Variants in MUC3A observed in about 807,000 individuals in gnomAD.
MUC3A encodes the protein mucin 3A, cell surface associated.
MUC3A carries 109 observed loss-of-function variants against 109.0 expected under a neutral mutation model. The ratio of observed to expected loss-of-function variants is 1.00; its 90% CI spans 0.86 to 1.17. The LOEUF is 1.17. Among genes scored for constraint, MUC3A ranks in the 50% most tolerant of loss-of-function variants. The probability of loss-of-function intolerance (pLI) is 0.00; values close to 1 mark genes in which losing one functional copy is unlikely to be tolerated. For missense variants in MUC3A, 3,537 were observed against 2,469.4 expected, an observed-to-expected ratio of 1.43 and a Z score of -9.16; for synonymous variants, 1,398 against 981.4, an observed-to-expected ratio of 1.42 and a Z score of -7.93.
chr7:100,965,223 C>T (rs960761989), intron 6 of MUC3A, 59 bp from the exon 7 acceptor site: 2 of 1,564,854 alleles, frequency 1.3e-6, no homozygotes, highest in Non-Finnish European at 1.7e-6. Flanking sequence ...GGCGCTAACC[C>T]CTTGACCTTA....
chr7:100,964,557 AGG>A, intron 5 of MUC3A, 136 bp from the exon 6 acceptor site: 4 of 1,359,598 alleles, frequency 2.9e-6, no homozygotes, highest in Admixed American at 2.5e-5. Context: ...CCTTCTGAAA[AGG>A]ATGCACGTGG....
At position 100,952,032 on chromosome 7, in the gene MUC3A, A is replaced by G. The variant is rs768910644; in HGVS notation, c.253A>G (p.Thr85Ala). ...PMTLTTSPHD[T>A]LISETLLNSP... ...GACACTCACTACCTCCCCCCATGAC[A>G]CACTCATCTCTGAAACATTGCTCAA... Residue 85 changes from threonine (T) to alanine (A), a missense_variant, in exon 2 of 12, where the codon ACA (threonine) becomes GCA (alanine). Coordinates refer to ENST00000379458, the MANE Select transcript of MUC3A (RefSeq NM_005960.2). The G allele has an allele frequency of 1.9e-6, 3 of 1,598,672 alleles. No homozygotes were observed. The highest frequency in any genetic ancestry group is 2.5e-6 in the Non-Finnish European group (3 of 1,179,810).
Position 100,960,231 on chromosome 7 carries a change from T to C in MUC3A, c.8452T>C (p.Ser2818Pro), listed in dbSNP as rs759340100. 6.3e-7 allele frequency: 1 copy of C among 1,598,266 alleles called. No individual in the cohort carries two copies. Residue 2818 changes from serine to proline, a missense_variant, in exon 2 of 12, where the codon TCC becomes CCC. By Grantham distance (74) the Ser-to-Pro change is moderately conservative. Transcript: ENST00000379458. ...FTTEMVTCPT[S>P]ISIQTTLTTY... ...TACCGAAATGGTCACCTGTCCTACC[T>C]CCATCAGTATCCAAACTACTCTTAC... is the stretch of plus-strand genomic sequence containing the variant.
rs1373323422 is a variant in MUC3A, at chr7:100,959,499, C to T, written c.7720C>T (p.Pro2574Ser). 5 of 1,586,202 alleles carry T rather than the reference C, an allele frequency of 3.2e-6. No individual in the cohort carries two copies. The highest frequency in any genetic ancestry group is 1.3e-5 in the African/African-American group (1 of 74,488). Residue 2574 changes from proline (P) to serine (S), a missense_variant, in exon 2 of 12, where the codon CCT becomes TCT. Physicochemically the swap from Pro to Ser is moderately conservative, Grantham distance 74. Transcript: ENST00000379458. ...CTTTAGCACAAGTATTGTTGTTATA[C>T]CTGAAACCCCAACACAGACCCCTCC... is the stretch of plus-strand genomic sequence containing the variant. The part of the protein sequence containing the change: ...SSFSTSIVVI[P>S]ETPTQTPPVL...
chr7:100,958,578 T>A lies in MUC3A; in HGVS notation c.6799T>A (p.Ser2267Thr). 7.0e-7 allele frequency: 1 copy of A among 1,421,990 alleles called. No homozygotes were observed. The highest frequency in any genetic ancestry group is 9.8e-7 in the Non-Finnish European group (1 of 1,022,412). 88.1% of individuals were successfully genotyped at this position (1,421,990 alleles called of 1,614,324 possible). Residue 2267 changes from serine to threonine, a missense_variant, in exon 2 of 12, where the codon TCA becomes ACA. Ser to Thr is a moderately conservative substitution (Grantham distance 58). Transcript: ENST00000379458. ...TSSITTTETT[S>T]HDTPSFTSSI... ...TTCGATCACCACCACTGAGACCACC[T>A]CACATGATACTCCCAGCTTCACTTC...
rs74203458 is a variant in MUC3A at position 100,966,269 on chromosome 7, A to ACCCCCCAGCTTGCCCTAGGGTCGAAC, written c.9612-111_9612-110insAGCTTGCCCTAGGGTCGAACCCCCCC. 4.7e-5 allele frequency: 47 copies of ACCCCCCAGCTTGCCCTAGGGTCGAAC among 994,706 alleles called. No individual in the cohort carries two copies. The African/African-American group carries it at 6.9e-4, about 15-fold the overall frequency. 61.6% of individuals were successfully genotyped at this position (994,706 alleles called of 1,614,324 possible). A position where few individuals can be genotyped will look rare whatever the true frequency, so the allele number is the denominator to read the frequency against. On this transcript the variant is annotated intron_variant, in intron 8 of 11. Coordinates refer to ENST00000379458, the MANE Select transcript of MUC3A (RefSeq NM_005960.2). ...TTCCCAGCCCCTTGTCTAGGGTGGA[A>ACCCCCCAGCTTGCCCTAGGGTCGAAC]CCCCCCGCTGCCCTAGGCTGGAGCC...
At chr7:100,963,320 C>T (rs1418428900) in intron 4 of MUC3A, 54 bp downstream of exon 4, 459 of 1,224,702 alleles carry the variant, frequency 3.7e-4, no homozygotes, top group Non-Finnish European at 4.7e-4. Flanking sequence ...TAGTCTCGCA[C>T]TCTCACCCTG....
chr7:100,960,049 C>A lies in MUC3A; in HGVS notation c.8270C>A (p.Pro2757His). 1 of 1,510,224 alleles carries A rather than the reference C, an allele frequency of 6.6e-7. No individual in the cohort carries two copies. Among genetic ancestry groups the A allele is most frequent in the Non-Finnish European group, 8.8e-7 (1 of 1,140,416 alleles). 93.6% of individuals were successfully genotyped at this position (1,510,224 alleles called of 1,614,324 possible). Residue 2757 changes from proline (P) to histidine (H), a missense_variant, in exon 2 of 12, where the codon CCC becomes CAC. By Grantham distance (77) the Pro-to-His change is moderately conservative (BLOSUM62 -2). Transcript: ENST00000379458. ...ACCACAGCTCTCACTGAAATAACCC[C>A]CTTTTCTTATATTTCCCTTCCCTCC... Reference protein sequence around the residue: ...SLTTALTEITPFSYISLPSTT... With the variant: ...SLTTALTEITHFSYISLPSTT...
chr7:100,961,964 A>ATG (rs1584808685), intron 3 of MUC3A, among the ~76,000 whole-genome samples: 3 of 121,452 alleles, frequency 2.5e-5, no homozygotes, highest in East Asian at 2.4e-4. Context: ...TTAAAAACTT[A>ATG]CCTCACGCCT....
chr7:100,965,106 A>G, intron 6 of MUC3A, 176 bp from the exon 7 acceptor site: 5 of 1,083,096 alleles, frequency 4.6e-6, no homozygotes, highest in Middle Eastern at 2.1e-4. Context: ...TTCAGGGGAG[A>G]TGAGGCAGGC....
Position 100,967,308 on chromosome 7 carries a change from C to A in MUC3A, c.*146C>A. On this transcript the variant is annotated 3_prime_UTR_variant, in exon 12 of 12. Coordinates refer to ENST00000379458, the MANE Select transcript of MUC3A (RefSeq NM_005960.2). ...AAGATGAGACTGTTCCCCCAAATCC[C>A]ATCCTTCTCCTTCCAACTTGGCTGA... 7.6e-7 allele frequency: 1 copy of A among 1,317,456 alleles called. No individual in the cohort carries two copies. The highest frequency in any genetic ancestry group is 1.4e-5 in the South Asian group (1 of 73,564). The allele number at this position is 1,317,456 out of a possible 1,614,324, so 81.6% of individuals were successfully genotyped here.
At position 100,957,924 on chromosome 7, in the gene MUC3A, A is replaced by G; in HGVS notation, c.6145A>G (p.Thr2049Ala). 1.3e-6 allele frequency: 1 copy of G among 768,210 alleles called. No individual in the cohort carries two copies. The highest frequency in any genetic ancestry group is 1.7e-5 in the Admixed American group (1 of 57,416). The allele number at this position is 768,210 out of a possible 1,614,324, so 47.6% of individuals were successfully genotyped here. The change falls in exon 2 of 12, where the codon ACC (threonine) becomes GCC (alanine). Residue 2049 changes from threonine to alanine, a missense_variant. Coordinates refer to ENST00000379458, the MANE Select transcript of MUC3A (RefSeq NM_005960.2). ...TCCCAGCTTCACTTCTTCGATCACC[A>G]CCGAGACCACATCCCACAGTACTCC... ...STPSFTSSIT[T>A]ETTSHSTPSF...
At position 100,959,348 on chromosome 7, in the gene MUC3A, A is replaced by G. The variant is rs1350145465; in HGVS notation, c.7569A>G (p.Thr2523=). ...PTDISTLPTR[T]HIISSSPSIQ... ...ATATCAGTACCTTACCAACTCGAAC[A>G]CACATCATTTCATCTTCTCCCTCCA... Residue 2523 remains threonine, a synonymous_variant, in exon 2 of 12, where the codon ACA becomes ACG. Transcript: ENST00000379458. 2 of 1,542,822 alleles carry G rather than the reference A, an allele frequency of 1.3e-6. No homozygotes were observed. The highest frequency in any genetic ancestry group is 2.7e-5 in the African/African-American group (2 of 73,522).
Position 100,967,968 on chromosome 7 carries a change from C to G in MUC3A, c.*806C>G, listed in dbSNP as rs374326053. The G allele has an allele frequency of 3.2e-5, 5 of 155,776 alleles. No individual in the cohort carries two copies. The highest frequency in any genetic ancestry group is 1.2e-4 in the African/African-American group (5 of 41,514). 9.6% of individuals were successfully genotyped at this position (155,776 alleles called of 1,614,324 possible). ...GGTTCTGCCCCCGACTCCCCCTGAC[C>G]TAAATACCCCAGCTGCTGTTCCCCC... On this transcript the variant is annotated 3_prime_UTR_variant, in exon 12 of 12. Coordinates refer to ENST00000379458, the MANE Select transcript of MUC3A (RefSeq NM_005960.2).
At chr7:100,963,661 T>A in intron 4 of MUC3A, 27 bp from the exon 5 acceptor site, 1 of 1,598,404 alleles carries the variant, frequency 6.3e-7, no homozygotes, top group Non-Finnish European at 8.5e-7. Context: ...GGTTCGGACG[T>A]GAGCCCAGGG....
rs755758916 is a variant in MUC3A at position 100,958,898 on chromosome 7, C to G, written c.7119C>G (p.Pro2373=). 1.3e-6 allele frequency: 2 copies of G among 1,594,576 alleles called. No homozygotes were observed. Among genetic ancestry groups the G allele is most frequent in the Admixed American group, 3.3e-5 (2 of 59,840 alleles). ...CCGAGACCACCTCACACAGTACTCC[C>G]AGCTTCAGTTCTTCAATCACCACCA... The part of the protein sequence containing the change: ...TTTETTSHST[P]SFSSSITTTE... Residue 2373 remains proline, a synonymous_variant, in exon 2 of 12, where the codon CCC becomes CCG. Coordinates refer to ENST00000379458, the MANE Select transcript of MUC3A (RefSeq NM_005960.2).
chr7:100,965,751 C>CGT lies in MUC3A; in HGVS notation c.9496_9497insGT (p.Pro3166ArgfsTer67). The stretch of plus-strand genomic sequence containing the variant: ...CACGGGCTATGAAGAGTTCTACTTC[C>CGT]CCTTGGTGGAGGCCACCCGGCTCCG... On this transcript the variant is annotated frameshift_variant, in exon 8 of 12. Coordinates refer to ENST00000379458, the MANE Select transcript of MUC3A (RefSeq NM_005960.2). LOFTEE classifies it high-confidence loss of function. 3 of 1,598,450 alleles carry CGT rather than the reference C, an allele frequency of 1.9e-6. No homozygotes were observed. Among genetic ancestry groups the CGT allele is most frequent in the Non-Finnish European group, 2.5e-6 (3 of 1,179,784 alleles).
chr7:100,957,991 A>G lies in MUC3A; in HGVS notation c.6212A>G (p.His2071Arg). 3 of 819,544 alleles carry G rather than the reference A, an allele frequency of 3.7e-6. No homozygotes were observed. Among genetic ancestry groups the G allele is most frequent in the Middle Eastern group, 2.2e-4 (1 of 4,542 alleles). 50.8% of individuals were successfully genotyped at this position (819,544 alleles called of 1,614,324 possible). ...ATCACCATCACCGAGATCACCTCAC[A>G]CAGTACTCTCAGCTACACTACCTCA... is the stretch of plus-strand genomic sequence containing the variant. ...SLITITEITS[H>R]STLSYTTSIT... is the part of the protein sequence containing the mutation. The change falls in exon 2 of 12, where the codon CAC (histidine) becomes CGC (arginine). Residue 2071 changes from histidine to arginine, a missense_variant. By Grantham distance (29) the His-to-Arg change is conservative (BLOSUM62 0). Coordinates refer to ENST00000379458, the MANE Select transcript of MUC3A (RefSeq NM_005960.2).
In MUC3A at chr7:100,967,047, C is replaced by T. The variant is rs1020185023; in HGVS notation, c.9931-74C>T. ...ACCAGGGCAGGGAGGGGGCTGGGCTCGGATCAGCAGTGACCTCCCTGTCAG... is the reference window on the plus strand; with the variant it reads ...ACCAGGGCAGGGAGGGGGCTGGGCTTGGATCAGCAGTGACCTCCCTGTCAG... On this transcript the variant is annotated intron_variant, in intron 11 of 11. Coordinates refer to ENST00000379458, the MANE Select transcript of MUC3A (RefSeq NM_005960.2). 11 of 1,598,440 alleles carry T rather than the reference C, an allele frequency of 6.9e-6. No individual in the cohort carries two copies. The South Asian group carries it at 1.2e-4, about 18-fold the overall frequency.
Sources: allele counts gnomAD v4.1 joint callset (sites outside exome capture counted in the v4.1 genomes callset), GRCh38; gene constraint gnomAD v4.1.1; transcripts MANE v1.5; gene names NCBI Gene and HGNC (gene_info 2026-07-23, HGNC 2026-07-21).